Variants in PRKN observed in about 807,000 individuals in gnomAD.
PRKN encodes the protein E3 ubiquitin-protein ligase parkin.
Under a neutral mutation model 59.5 loss-of-function variants are expected in PRKN, and 56 were observed. The observed-to-expected ratio is 0.94, with a 90% CI of 0.76 to 1.18. The LOEUF is 1.18. Ranked by LOEUF, PRKN falls within the 50% of genes most tolerant of loss-of-function variation. The pLI, the probability that PRKN is intolerant of heterozygous loss-of-function variation, is 0.00. For missense variants in PRKN, 657 were observed against 596.4 expected, an observed-to-expected ratio of 1.10 and a Z score of -1.06; for synonymous variants, 250 against 222.1, an observed-to-expected ratio of 1.13 and a Z score of -1.12.
At chr6:162,142,850 C>T (rs1371531047) in intron 4 of PRKN, among the ~76,000 whole-genome samples, 1 of 152,140 alleles carries the variant, frequency 6.6e-6, no homozygotes, top group Non-Finnish European at 1.5e-5. Flanking sequence ...AAATTGGAAA[C>T]AGGTAAATAA....
chr6:161,366,982 C>CCT (rs1785228433), intron 10 of PRKN, among the ~76,000 whole-genome samples: 1 of 91,946 alleles, frequency 1.1e-5, no homozygotes, highest in Admixed American at 1.1e-4. Context: ...TTTTTGTTTC[C>CCT]TTTTTTTTTT....
intron 1 of PRKN, among the ~76,000 whole-genome samples, chr6:162,513,934 T>C (rs918240494): frequency 2.0e-5 from 3 of 151,638 alleles, no homozygotes; most frequent in African/African-American, 7.3e-5. Flanking sequence ...TAGTCCCAGC[T>C]ACGTGGGAGG....
intron 9 of PRKN, among the ~76,000 whole-genome samples, chr6:161,489,746 G>A (rs563128228): frequency 6.6e-6 from 1 of 151,896 alleles, no homozygotes; most frequent in East Asian, 1.9e-4. Flanking sequence ...TTTCTTCCTT[G>A]AATTGTTGAG....
At chr6:162,665,042 A>C (rs1277556129) in intron 1 of PRKN, among the ~76,000 whole-genome samples, 1 of 152,180 alleles carries the variant, frequency 6.6e-6, no homozygotes, top group Non-Finnish European at 1.5e-5. Flanking sequence ...TTAAAATAAT[A>C]AGAGCTATTT....
chr6:162,673,869 TA>T (rs1779434117), intron 1 of PRKN, among the ~76,000 whole-genome samples: 2 of 152,172 alleles, frequency 1.3e-5, no homozygotes, highest in Non-Finnish European at 2.9e-5. Flanking sequence ...CGGCAGTGTT[TA>T]AAATGTAAAA....
chr6:162,176,167 C>A (rs1315310172), intron 4 of PRKN, among the ~76,000 whole-genome samples: 1 of 151,890 alleles, frequency 6.6e-6, no homozygotes, highest in Non-Finnish European at 1.5e-5. Flanking sequence ...GCAGAGGGGC[C>A]TATTAAGATT....
intron 4 of PRKN, among the ~76,000 whole-genome samples, chr6:162,199,700 T>G (rs1257714651): frequency 1.3e-5 from 2 of 152,208 alleles, no homozygotes; most frequent in African/African-American, 4.8e-5. Flanking sequence ...GCATCATTCT[T>G]GTGTGGCTTT....
intron 2 of PRKN, among the ~76,000 whole-genome samples, chr6:162,292,545 G>C (rs946647449): frequency 8.5e-5 from 13 of 152,226 alleles, no homozygotes; most frequent in South Asian, 8.3e-4. Context: ...TGAATCTACA[G>C]CAGCCACAAT....
At chr6:162,146,515 T>C (rs1782035933) in intron 4 of PRKN, among the ~76,000 whole-genome samples, 1 of 151,462 alleles carries the variant, frequency 6.6e-6, no homozygotes, top group Non-Finnish European at 1.5e-5. Context: ...TATATAAATT[T>C]TTTTTTTCTG....
chr6:162,065,554 C>CT (rs76912779), intron 4 of PRKN, among the ~76,000 whole-genome samples: 202 of 142,804 alleles, frequency 1.4e-3, no homozygotes, highest in Non-Finnish European at 1.7e-3. Flanking sequence ...TTTTCTTTTT[C>CT]TTTTTTTTTT....
intron 6 of PRKN, among the ~76,000 whole-genome samples, chr6:161,837,232 T>C (rs1486019339): frequency 6.6e-6 from 1 of 152,086 alleles, no homozygotes; most frequent in Non-Finnish European, 1.5e-5. Context: ...AAAATGGTGT[T>C]GTCTGAAAAT....
intron 9 of PRKN, among the ~76,000 whole-genome samples, chr6:161,542,763 A>T (rs1355595033): frequency 6.6e-6 from 1 of 152,148 alleles, no homozygotes; most frequent in South Asian, 2.1e-4. Flanking sequence ...CAGGCGGTTG[A>T]GGCAAACTTA....
Position 161,432,355 on chromosome 6 carries a change from ATTTTT to A in PRKN, c.1084-45483_1084-45479del, listed in dbSNP as rs1188841520. On this transcript the variant is annotated intron_variant, in intron 9 of 11. Transcript: ENST00000366898. ...ACATTAACAATATTCACTTCCTCTG[ATTTTT>A]TTTTTTTTTTTTTTTTTTTGAGACG... 3.8e-3 allele frequency among the ~76,000 whole-genome samples: 347 copies of A among 92,176 alleles called. 4 individuals are homozygous for A. The East Asian group carries it at 0.064, about 17-fold the overall frequency. 60.5% of individuals were successfully genotyped at this position (92,176 alleles called of 152,430 possible).
intron 7 of PRKN, among the ~76,000 whole-genome samples, chr6:161,626,302 G>T (rs755075141): frequency 6.6e-6 from 1 of 152,132 alleles, no homozygotes; most frequent in African/African-American, 2.4e-5. Context: ...ACCAAAGAAA[G>T]GATGGTTCTG....
chr6:162,398,472 C>G (rs1273034095), intron 2 of PRKN, among the ~76,000 whole-genome samples: 2 of 151,784 alleles, frequency 1.3e-5, no homozygotes, highest in Non-Finnish European at 2.9e-5. Context: ...CTCACTGAAA[C>G]CTCTGCCTCC....
At chr6:162,338,902 C>A (rs1227575485) in intron 2 of PRKN, among the ~76,000 whole-genome samples, 6 of 149,234 alleles carry the variant, frequency 4.0e-5, no homozygotes, top group South Asian at 2.2e-4. Context: ...CTCTGCCCCG[C>A]CGCCCCATCT....
intron 4 of PRKN, among the ~76,000 whole-genome samples, chr6:162,066,088 T>A (rs986324190): frequency 6.6e-6 from 1 of 152,210 alleles, no homozygotes; most frequent in Non-Finnish European, 1.5e-5. Context: ...ATATACCCAG[T>A]AATGGGATTG....
chr6:162,541,702 T>C (rs1199842496), intron 1 of PRKN, among the ~76,000 whole-genome samples: 1 of 152,154 alleles, frequency 6.6e-6, no homozygotes, highest in Non-Finnish European at 1.5e-5. Flanking sequence ...TTTCCTTATT[T>C]TTGGTCAGCT....
chr6:161,757,055 T>A lies in PRKN; in HGVS notation c.871+28717A>T, dbSNP rs1043913227. On this transcript the variant is annotated intron_variant, in intron 7 of 11. Transcript: ENST00000366898. ...AATACCAATAATATAAAAGAAACTTTGATTCCTAACTTGTATCATACACAA... is the reference window on the plus strand; with the variant it reads ...AATACCAATAATATAAAAGAAACTTAGATTCCTAACTTGTATCATACACAA... Among the ~76,000 whole-genome samples the A allele has an allele frequency of 1.1e-4, 16 of 152,344 alleles. 1 individual carries two copies. The highest frequency in any genetic ancestry group is 1.0e-3 in the Admixed American group (16 of 15,302).
Sources: allele counts gnomAD v4.1 joint callset (sites outside exome capture counted in the v4.1 genomes callset), GRCh38; gene constraint gnomAD v4.1.1; transcripts MANE v1.5; gene names NCBI Gene and HGNC (gene_info 2026-07-23, HGNC 2026-07-21).